FLYWCH2: variants seen among roughly 807,000 people sequenced by gnomAD.
The protein encoded by FLYWCH2 is FLYWCH family member 2.
FLYWCH2 carries 2 observed loss-of-function variants against 6.0 expected under a neutral mutation model. That is an observed-to-expected ratio of 0.33 (90% CI 0.14 to 1.04). FLYWCH2 has a LOEUF of 1.04. Ranked by LOEUF, FLYWCH2 falls within the 50% of genes least tolerant of loss-of-function variation. The probability of loss-of-function intolerance (pLI) is 0.45; values close to 1 mark genes in which losing one functional copy is unlikely to be tolerated. For missense variants in FLYWCH2, 192 were observed against 183.4 expected (o/e 1.05, Z -0.27); for synonymous variants, 87 against 79.3 (o/e 1.10, Z -0.52).
intron 2 of FLYWCH2, 124 bp downstream of exon 2, chr16:2,895,444 C>G (rs2069808207): frequency 1.3e-5 from 2 of 152,298 alleles, no homozygotes; most frequent in South Asian, 4.1e-4. Context: ...GAAACCCCGT[C>G]TCTACTAAAA....
At chr16:2,898,694 GC>G in intron 3 of FLYWCH2, 1 of 208,172 alleles carries the variant, frequency 4.8e-6, no homozygotes, top group South Asian at 1.2e-4. Flanking sequence ...TCCATCAGGC[GC>G]CAGGGGTCCC....
chr16:2,892,556 A>G (rs2069770251), intron 1 of FLYWCH2, among the ~76,000 whole-genome samples: 1 of 147,828 alleles, frequency 6.8e-6, no homozygotes, highest in South Asian at 2.2e-4. Context: ...AGATGAAAAT[A>G]TAAATGCAGT....
intron 1 of FLYWCH2, among the ~76,000 whole-genome samples, chr16:2,885,304 G>C (rs2069686344): frequency 6.6e-6 from 1 of 151,968 alleles, no homozygotes; most frequent in Non-Finnish European, 1.5e-5. Flanking sequence ...GCGACAGAGC[G>C]AGACTCCGTC....
Position 2,899,290 on chromosome 16 carries a change from C to G in FLYWCH2, c.*141C>G, listed in dbSNP as rs1191676026. 3 of 510,384 alleles carry G rather than the reference C, an allele frequency of 5.9e-6. No individual in the cohort carries two copies. Among genetic ancestry groups the G allele is most frequent in the Non-Finnish European group, 1.0e-5 (3 of 300,076 alleles). The allele number at this position is 510,384 out of a possible 1,614,324, so 31.6% of individuals were successfully genotyped here. ...TTTCTTTTTTTTTTTTTTTTTAGAT[C>G]AAGTATAAGTTACTTTTGTAAGCAG... On this transcript the variant is annotated 3_prime_UTR_variant, in exon 4 of 4. Transcript: ENST00000396958.
intron 3 of FLYWCH2, among the ~76,000 whole-genome samples, chr16:2,898,134 C>T (rs1410240015): frequency 6.6e-6 from 1 of 152,126 alleles, no homozygotes; most frequent in Non-Finnish European, 1.5e-5. Flanking sequence ...GGGTCACAGC[C>T]CCACAGCCTC....
At chr16:2,891,458 G>A (rs2069756654) in intron 1 of FLYWCH2, among the ~76,000 whole-genome samples, 1 of 151,792 alleles carries the variant, frequency 6.6e-6, no homozygotes, top group Non-Finnish European at 1.5e-5. Flanking sequence ...AGGCTGGAGT[G>A]CGGTGGCGCG....
At chr16:2,890,643 C>G (rs543189860) in intron 1 of FLYWCH2, among the ~76,000 whole-genome samples, 1 of 150,032 alleles carries the variant, frequency 6.7e-6, no homozygotes, top group Non-Finnish European at 1.5e-5. Flanking sequence ...CAGGTTGTCT[C>G]GAACTCCTGA....
chr16:2,893,870 C>G (rs969745680), intron 1 of FLYWCH2, among the ~76,000 whole-genome samples: 1 of 151,862 alleles, frequency 6.6e-6, no homozygotes, highest in Admixed American at 6.6e-5. Context: ...GATCTCCTGA[C>G]CTTGTGATCC....
chr16:2,898,022 C>T (rs753500324), intron 3 of FLYWCH2, among the ~76,000 whole-genome samples: 1 of 152,178 alleles, frequency 6.6e-6, no homozygotes, highest in Non-Finnish European at 1.5e-5. Flanking sequence ...GGGCACTCAG[C>T]CTGGCAGCCC....
At chr16:2,890,359 C>A (rs1185523628) in intron 1 of FLYWCH2, among the ~76,000 whole-genome samples, 4 of 150,974 alleles carry the variant, frequency 2.6e-5, no homozygotes, top group Non-Finnish European at 5.9e-5. Context: ...AGCAGTTCTT[C>A]TGTGTCTGCC....
intron 1 of FLYWCH2, among the ~76,000 whole-genome samples, chr16:2,887,154 T>C (rs2069707144): frequency 1.3e-5 from 2 of 152,050 alleles, no homozygotes; most frequent in African/African-American, 4.8e-5. Flanking sequence ...TTTTGTTTTT[T>C]TGTTGTTTTG....
At chr16:2,890,750 G>C (rs960075107) in intron 1 of FLYWCH2, among the ~76,000 whole-genome samples, 1 of 151,980 alleles carries the variant, frequency 6.6e-6, no homozygotes. Flanking sequence ...TATTTTTACT[G>C]GAGACGGAGT....
chr16:2,896,959 C>CTA (rs1328960937), intron 3 of FLYWCH2, 188 bp downstream of exon 3: 3 of 626,570 alleles, frequency 4.8e-6, no homozygotes, highest in Non-Finnish European at 8.3e-6. Flanking sequence ...TCCAACCCTG[C>CTA]CTCTGAGCGG....
chr16:2,895,717 G>A (rs755673238), intron 2 of FLYWCH2, among the ~76,000 whole-genome samples: 2 of 152,270 alleles, frequency 1.3e-5, no homozygotes, highest in Non-Finnish European at 2.9e-5. Context: ...GCCAGCTGCA[G>A]TGCTATGGTC....
At chr16:2,887,100 A>T (rs2069706582) in intron 1 of FLYWCH2, among the ~76,000 whole-genome samples, 1 of 151,914 alleles carries the variant, frequency 6.6e-6, no homozygotes, top group African/African-American at 2.4e-5. Context: ...TTTTTCTTTT[A>T]AAAAAAAGTT....
intron 3 of FLYWCH2, among the ~76,000 whole-genome samples, chr16:2,898,037 T>C (rs565758502): frequency 2.8e-4 from 42 of 152,180 alleles, no homozygotes; most frequent in African/African-American, 9.9e-4. Context: ...CAGCCCATTG[T>C]GAGAAAAGGT....
intron 1 of FLYWCH2, among the ~76,000 whole-genome samples, chr16:2,888,089 A>G (rs550538504): frequency 3.6e-4 from 55 of 151,316 alleles, no homozygotes; most frequent in African/African-American, 1.3e-3. Flanking sequence ...GCTCACTGCA[A>G]CCTCCGCCTC....
At position 2,896,391 on chromosome 16, in the gene FLYWCH2, G is replaced by A; in HGVS notation, c.-59G>A. On this transcript the variant is annotated 5_prime_UTR_variant, in exon 3 of 4. Coordinates refer to ENST00000396958, the MANE Select transcript of FLYWCH2 (RefSeq NM_138439.3). ...ACTCCAGGTTCCTTGCCTGGGAGTA[G>A]GAGAAATCCACCTGCTGGGGGCTGA... 6.5e-7 allele frequency: 1 copy of A among 1,532,796 alleles called. No homozygotes were observed. Among genetic ancestry groups the A allele is most frequent in the Non-Finnish European group, 8.7e-7 (1 of 1,145,852 alleles). 94.9% of individuals were successfully genotyped at this position (1,532,796 alleles called of 1,614,324 possible).
intron 1 of FLYWCH2, among the ~76,000 whole-genome samples, chr16:2,893,775 T>C (rs552195757): frequency 1.3e-4 from 20 of 151,948 alleles, no homozygotes; most frequent in Non-Finnish European, 2.4e-4. Context: ...GTAGCTGGGA[T>C]TACGGGCGCC....
Sources: gnomAD v4.1 joint callset for allele counts (sites outside exome capture counted in the v4.1 genomes callset) on GRCh38, gnomAD v4.1.1 for gene constraint, MANE v1.5 for transcripts, NCBI Gene and HGNC (gene_info 2026-07-23, HGNC 2026-07-21) for gene names.